ASTN2: variants seen among roughly 807,000 people sequenced by gnomAD.
ASTN2 encodes astrotactin 2.
A neutral mutation model predicts 139.8 loss-of-function variants in ASTN2; 54 were observed. The ratio of observed to expected loss-of-function variants is 0.39; its 90% CI spans 0.31 to 0.48. The LOEUF is 0.48. Among genes scored for constraint, ASTN2 ranks in the 20% least tolerant of loss-of-function variants. The probability of loss-of-function intolerance (pLI) is 0.95; values close to 1 mark genes in which losing one functional copy is unlikely to be tolerated. For missense variants in ASTN2, 1,565 were observed against 1,725.1 expected (o/e 0.91, Z 1.64); for synonymous variants, 756 against 719.5 (o/e 1.05, Z -0.81).
chr9:116,924,636 G>A (rs137869369), intron 10 of ASTN2, among the ~76,000 whole-genome samples: 91 of 152,150 alleles, frequency 6.0e-4, no homozygotes, highest in African/African-American at 2.0e-3. Context: ...ACTTTCTGAC[G>A]TTGCCATGGC....
chr9:117,125,834 G>T (rs1414340654), intron 4 of ASTN2, among the ~76,000 whole-genome samples: 1 of 151,746 alleles, frequency 6.6e-6, no homozygotes, highest in Admixed American at 6.6e-5. Context: ...TGCGGCGGGG[G>T]GGGGAATTGG....
intron 2 of ASTN2, among the ~76,000 whole-genome samples, chr9:117,252,541 C>G (rs1271112313): frequency 6.6e-6 from 1 of 152,084 alleles, no homozygotes; most frequent in Admixed American, 6.5e-5. Flanking sequence ...GCTAATGGCC[C>G]AGTGTCTCCC....
chr9:116,682,113 C>T (rs1297974795), intron 16 of ASTN2, among the ~76,000 whole-genome samples: 5 of 151,934 alleles, frequency 3.3e-5, no homozygotes, highest in East Asian at 1.9e-4. Flanking sequence ...AGAAAATTTT[C>T]GCAACCTACT....
At chr9:116,480,257 T>C (rs569193329) in intron 20 of ASTN2, among the ~76,000 whole-genome samples, 8 of 151,484 alleles carry the variant, frequency 5.3e-5, no homozygotes, top group Admixed American at 1.3e-4. Context: ...CAGAGAAAGA[T>C]AGAAATAGAA....
At chr9:117,264,602 A>G (rs745437306) in intron 2 of ASTN2, among the ~76,000 whole-genome samples, 28 of 152,204 alleles carry the variant, frequency 1.8e-4, no homozygotes, top group Non-Finnish European at 3.4e-4. Flanking sequence ...AATATACAAG[A>G]GGAAAAGTTA....
intron 19 of ASTN2, among the ~76,000 whole-genome samples, chr9:116,591,826 G>C (rs1197895224): frequency 1.3e-5 from 2 of 152,112 alleles, no homozygotes; most frequent in Non-Finnish European, 2.9e-5. Flanking sequence ...ATATGGCTGT[G>C]TTCACTTCCT....
chr9:116,634,291 A>T (rs1856949283), intron 17 of ASTN2, among the ~76,000 whole-genome samples: 1 of 151,970 alleles, frequency 6.6e-6, no homozygotes, highest in African/African-American at 2.4e-5. Flanking sequence ...AAAGAAAGTA[A>T]CTTAATAAGC....
chr9:117,055,880 C>T (rs1481011442), intron 5 of ASTN2, among the ~76,000 whole-genome samples: 1 of 152,216 alleles, frequency 6.6e-6, no homozygotes, highest in Non-Finnish European at 1.5e-5. Context: ...AAATGTTATG[C>T]AATGCCACTT....
At chr9:117,214,287 C>T (rs1280239665) in intron 3 of ASTN2, 71 bp downstream of exon 3, 7 of 1,500,640 alleles carry the variant, frequency 4.7e-6, no homozygotes, top group Non-Finnish European at 6.3e-6. Context: ...CCCCAACTGC[C>T]CAGCTTCTGC....
At chr9:117,329,741 A>G (rs147509230) in intron 1 of ASTN2, among the ~76,000 whole-genome samples, 29 of 152,320 alleles carry the variant, frequency 1.9e-4, no homozygotes, top group Non-Finnish European at 4.0e-4. Flanking sequence ...TGCTGGGGTC[A>G]TAAATTCAGA....
chr9:117,325,413 A>G (rs1442195545), intron 1 of ASTN2, among the ~76,000 whole-genome samples: 1 of 152,106 alleles, frequency 6.6e-6, no homozygotes, highest in Non-Finnish European at 1.5e-5. Flanking sequence ...TGTTCATTAA[A>G]ACAGTCAGTC....
chr9:116,642,146 C>CAAAACAAAAAAAACAAACAA lies in ASTN2; in HGVS notation c.3072+9381_3072+9382insTTGTTTGTTTTTTTTGTTTT, dbSNP rs1564176273. Among the ~76,000 whole-genome samples the CAAAACAAAAAAAACAAACAA allele has an allele frequency of 1.9e-4, 23 of 120,358 alleles. 2 individuals are homozygous for CAAAACAAAAAAAACAAACAA. The highest frequency in any genetic ancestry group is 7.2e-4 in the African/African-American group (23 of 31,738). The allele number at this position is 120,358 out of a possible 152,430, so 79.0% of individuals were successfully genotyped here. On this transcript the variant is annotated intron_variant, in intron 17 of 22. Coordinates refer to ENST00000313400, the MANE Select transcript of ASTN2 (RefSeq NM_001365068.1). ...CTCCCAACCCACAAAAAAAAAAAAA[C>CAAAACAAAAAAAACAAACAA]AAAAAAAAACAGAATCAGTAGGAAG...
chr9:117,225,588 A>C, intron 2 of ASTN2, among the ~76,000 whole-genome samples: 1 of 95,632 alleles, frequency 1.0e-5, no homozygotes, highest in South Asian at 4.0e-4. Flanking sequence ...GATGAACCCA[A>C]GTGGCCAGAG....
chr9:116,526,900 C>G (rs1851118160), intron 19 of ASTN2, among the ~76,000 whole-genome samples: 1 of 152,124 alleles, frequency 6.6e-6, no homozygotes, highest in East Asian at 1.9e-4. Flanking sequence ...CACACATTTA[C>G]AGCCAACTAA....
At chr9:117,318,175 C>T (rs113564782) in intron 1 of ASTN2, among the ~76,000 whole-genome samples, 100 of 152,266 alleles carry the variant, frequency 6.6e-4, no homozygotes, top group African/African-American at 2.2e-3. Context: ...GTTCAAATCC[C>T]ACCTCTGCTA....
chr9:117,124,761 C>T (rs919696911), intron 4 of ASTN2, among the ~76,000 whole-genome samples: 21 of 150,362 alleles, frequency 1.4e-4, no homozygotes, highest in African/African-American at 5.2e-4. Context: ...GCCACCGTTG[C>T]ACCACTGCAT....
At chr9:116,937,946 T>C (rs1835123845) in intron 10 of ASTN2, among the ~76,000 whole-genome samples, 1 of 152,202 alleles carries the variant, frequency 6.6e-6, no homozygotes, top group South Asian at 2.1e-4. Flanking sequence ...TTTGAAGACA[T>C]ACTGTGTACC....
intron 20 of ASTN2, among the ~76,000 whole-genome samples, chr9:116,484,294 T>C (rs1253907751): frequency 6.6e-6 from 1 of 152,172 alleles, no homozygotes; most frequent in Non-Finnish European, 1.5e-5. Context: ...TACAACCCTT[T>C]GAGATAGGGA....
At chr9:116,430,449 T>C (rs185684936) in intron 22 of ASTN2, among the ~76,000 whole-genome samples, 1 of 152,318 alleles carries the variant, frequency 6.6e-6, no homozygotes, top group Non-Finnish European at 1.5e-5. Context: ...CTCTTAGTTG[T>C]AGCATCCATA....
Sources: allele counts gnomAD v4.1 joint callset (sites outside exome capture counted in the v4.1 genomes callset), GRCh38; gene constraint gnomAD v4.1.1; transcripts MANE v1.5; gene names NCBI Gene and HGNC (gene_info 2026-07-23, HGNC 2026-07-21).